COL5A1: variants seen among roughly 807,000 people sequenced by gnomAD.
The protein encoded by COL5A1 is collagen type V alpha 1 chain, also known as collagen alpha-1(V) chain.
Under a neutral mutation model 263.7 loss-of-function variants are expected in COL5A1, and 16 were observed. The ratio of observed to expected loss-of-function variants is 0.06; its 90% CI spans 0.04 to 0.09. COL5A1 has a LOEUF of 0.09. COL5A1 is among the 10% of genes least tolerant of loss of function. The probability of loss-of-function intolerance (pLI) is 1.00; values close to 1 mark genes in which losing one functional copy is unlikely to be tolerated. For missense variants in COL5A1, 2,036 were observed against 2,540.5 expected (o/e 0.80, Z 4.27); for synonymous variants, 1,012 against 1,004.5 (o/e 1.01, Z -0.14).
At chr9:134,712,040 T>TGCCCCCTTCTTCCTG (rs1564404293) in intron 4 of COL5A1, among the ~76,000 whole-genome samples, 2 of 12,466 alleles carry the variant, frequency 1.6e-4, no homozygotes, top group East Asian at 1.2e-3. Context: ...CCCTTCTTCC[T>TGCCCCCTTCTTCCTG]GCCCCCTTCT....
intron 27 of COL5A1, among the ~76,000 whole-genome samples, chr9:134,779,712 C>A (rs115456225): frequency 6.6e-6 from 1 of 152,144 alleles, no homozygotes; most frequent in South Asian, 2.1e-4. Flanking sequence ...ATCAAGTCTG[C>A]CTTAGACCTC....
Position 134,696,609 on chromosome 9 carries a change from T to C in COL5A1, c.278-3300T>C, listed in dbSNP as rs912706334. ...GCGCCTGGCACCAATCACTGTTTAT[T>C]AGGGGATCAGTCACTGTTTATTGAT... On this transcript the variant is annotated intron_variant, in intron 2 of 65. Transcript: ENST00000371817. This position sits in a 1 kb window ranked among gnomAD's most constrained non-coding sequence, Gnocchi z 4.3. Among the ~76,000 whole-genome samples the C allele has an allele frequency of 3.3e-5, 5 of 152,334 alleles. No individual in the cohort carries two copies. The East Asian group carries it at 7.7e-4, about 24-fold the overall frequency.
At chr9:134,815,664 C>G (rs1482999937) in intron 51 of COL5A1, 35 bp downstream of exon 51, 2 of 1,608,550 alleles carry the variant, frequency 1.2e-6, no homozygotes, top group Admixed American at 3.3e-5. Flanking sequence ...ACCGGATCCC[C>G]CACAGTGCTG....
chr9:134,759,872 G>GCCCC (rs1836233246), intron 18 of COL5A1, among the ~76,000 whole-genome samples: 1 of 53,226 alleles, frequency 1.9e-5, no homozygotes, highest in South Asian at 7.4e-4. Flanking sequence ...ACTCACACAT[G>GCCCC]CACACACACC....
intron 4 of COL5A1, among the ~76,000 whole-genome samples, chr9:134,712,391 G>A (rs1365912155): frequency 2.2e-5 from 2 of 91,584 alleles, no homozygotes; most frequent in Non-Finnish European, 4.1e-5. Flanking sequence ...CCTGTCTCTC[G>A]TTATCCCTGT....
In COL5A1 at chr9:134,696,078, C is replaced by A. The variant is rs546456838; in HGVS notation, c.278-3831C>A. Among the ~76,000 whole-genome samples, 1 of 152,154 alleles carries A rather than the reference C, an allele frequency of 6.6e-6. No individual in the cohort carries two copies. Among genetic ancestry groups the A allele is most frequent in the Admixed American group, 6.5e-5 (1 of 15,274 alleles). Reference sequence around the variant, plus strand: ...CCTCAGCCGCCCCCCAGGTTCCTGGCCCCCTGTCCAAAGTTAGCCACACCC... The same window carrying A: ...CCTCAGCCGCCCCCCAGGTTCCTGGACCCCTGTCCAAAGTTAGCCACACCC... On this transcript the variant is annotated intron_variant, in intron 2 of 65. Transcript: ENST00000371817. The surrounding 1 kb of genome is among the most constrained non-coding windows in gnomAD (Gnocchi z 4.3).
Position 134,789,270 on chromosome 9 carries a change from G to A in COL5A1, c.2700+62G>A. 3.6e-6 allele frequency: 5 copies of A among 1,405,418 alleles called. No homozygotes were observed. The highest frequency in any genetic ancestry group is 2.3e-5 in the South Asian group (2 of 85,682). 87.1% of individuals were successfully genotyped at this position (1,405,418 alleles called of 1,614,324 possible). A position where few individuals can be genotyped will look rare whatever the true frequency, so the allele number is the denominator to read the frequency against. On this transcript the variant is annotated intron_variant, in intron 32 of 65. Coordinates refer to ENST00000371817, the MANE Select transcript of COL5A1 (RefSeq NM_000093.5). The surrounding 1 kb of genome is among the most constrained non-coding windows in gnomAD (Gnocchi z 4.8). ...CGGCTGCCTCGGTGCCTAGCAAGTT[G>A]GTTCTCCAGCCGACGGCCTGTTTAT...
In COL5A1 at chr9:134,677,911, C is replaced by T. The variant is rs1004691003; in HGVS notation, c.110-13001C>T. Among the ~76,000 whole-genome samples, 3 of 152,226 alleles carry T rather than the reference C, an allele frequency of 2.0e-5. No individual in the cohort carries two copies. Among genetic ancestry groups the T allele is most frequent in the Non-Finnish European group, 2.9e-5 (2 of 68,042 alleles). ...ATCTTCTGCCTGGCCCTTGTTCCACCGCTGGGGGTCTCAAGATTCTCTGTC... is the reference window on the plus strand; with the variant it reads ...ATCTTCTGCCTGGCCCTTGTTCCACTGCTGGGGGTCTCAAGATTCTCTGTC... On this transcript the variant is annotated intron_variant, in intron 1 of 65. Coordinates refer to ENST00000371817, the MANE Select transcript of COL5A1 (RefSeq NM_000093.5). This position sits in a 1 kb window ranked among gnomAD's most constrained non-coding sequence, Gnocchi z 4.4.
chr9:134,663,186 C>T (rs910137253), intron 1 of COL5A1, among the ~76,000 whole-genome samples: 4 of 152,230 alleles, frequency 2.6e-5, no homozygotes, highest in African/African-American at 7.2e-5. Context: ...GAAGGAGGGC[C>T]GTGTGGGCCA....
intron 5 of COL5A1, 127 bp downstream of exon 5, chr9:134,727,524 T>A: frequency 1.9e-6 from 2 of 1,050,748 alleles, no homozygotes; most frequent in Non-Finnish European, 1.4e-6. Flanking sequence ...TGGAGGGACC[T>A]AGGAGGTAAA....
At chr9:134,718,835 T>C (rs1437459513) in intron 4 of COL5A1, among the ~76,000 whole-genome samples, 1 of 151,814 alleles carries the variant, frequency 6.6e-6, no homozygotes, top group Non-Finnish European at 1.5e-5. Flanking sequence ...ATCTGTGAAA[T>C]GGGGATGGGA....
chr9:134,768,068 G>A lies in COL5A1; in HGVS notation c.2233-342G>A, dbSNP rs537642403. Among the ~76,000 whole-genome samples the A allele has an allele frequency of 1.8e-4, 28 of 152,324 alleles. No individual in the cohort carries two copies. In the East Asian group the frequency reaches 5.4e-3, roughly 29 times the overall value. On this transcript the variant is annotated intron_variant, in intron 24 of 65. Transcript: ENST00000371817. The stretch of plus-strand genomic sequence containing the variant: ...ACAGACCAGGGAGGACAGGGTGGTG[G>A]GAGCACTTGAAGAAGGCACAGCACT...
intron 32 of COL5A1, among the ~76,000 whole-genome samples, chr9:134,791,352 C>A (rs1197229181): frequency 1.3e-5 from 2 of 152,202 alleles, no homozygotes; most frequent in Non-Finnish European, 2.9e-5. Flanking sequence ...AGATGGAGCC[C>A]TGGCCTCCTT....
chr9:134,769,719 CCA>C (rs904947347), intron 25 of COL5A1, among the ~76,000 whole-genome samples: 1 of 151,928 alleles, frequency 6.6e-6, no homozygotes, highest in African/African-American at 2.4e-5. Context: ...GTGAAGCAGG[CCA>C]CACGAGGAAG....
Position 134,843,078 on chromosome 9 carries a change from G to A in COL5A1, c.*775G>A, listed in dbSNP as rs549620894. 2.0e-4 allele frequency: 30 copies of A among 151,380 alleles called. No homozygotes were observed. Among genetic ancestry groups the A allele is most frequent in the African/African-American group, 6.1e-4 (25 of 40,878 alleles). The allele number at this position is 151,380 out of a possible 1,614,324, so 9.4% of individuals were successfully genotyped here. ...TGCAATAAATTGGAAGTTTGCCCCG[G>A]GGCAGCAAGAATTTATGCTGCCATT... On this transcript the variant is annotated 3_prime_UTR_variant, in exon 66 of 66. Transcript: ENST00000371817.
intron 36 of COL5A1, among the ~76,000 whole-genome samples, chr9:134,797,374 T>C (rs1256531807): frequency 1.3e-5 from 2 of 152,182 alleles, no homozygotes; most frequent in Non-Finnish European, 2.9e-5. Context: ...TCCCGGGGGC[T>C]GGTAGCTGCT....
chr9:134,674,255 G>A (rs1228293344), intron 1 of COL5A1, among the ~76,000 whole-genome samples: 1 of 152,164 alleles, frequency 6.6e-6, no homozygotes, highest in African/African-American at 2.4e-5. Context: ...CCTCAAGCAG[G>A]GAGCAGCCCA....
chr9:134,836,853 C>T (rs1839870253), intron 65 of COL5A1, among the ~76,000 whole-genome samples: 1 of 152,258 alleles, frequency 6.6e-6, no homozygotes, highest in Non-Finnish European at 1.5e-5. Flanking sequence ...GCTCACCTCT[C>T]CTCCCGGCTG....
chr9:134,758,765 CT>C lies in COL5A1; in HGVS notation c.1935+470del, dbSNP rs1393848668. On this transcript the variant is annotated intron_variant, in intron 18 of 65. Coordinates refer to ENST00000371817, the MANE Select transcript of COL5A1 (RefSeq NM_000093.5). This position sits in a 1 kb window ranked among gnomAD's most constrained non-coding sequence, Gnocchi z 4.1. ...TCACGAAAACATGCCAGGTGTCCCC[CT>C]GTTCCCTGTTAATGGGCGTGGATGA... Among the ~76,000 whole-genome samples the C allele has an allele frequency of 6.6e-6, 1 of 152,172 alleles. No homozygotes were observed. The highest frequency in any genetic ancestry group is 1.5e-5 in the Non-Finnish European group (1 of 68,030).
Sources: allele counts gnomAD v4.1 joint callset (sites outside exome capture counted in the v4.1 genomes callset), GRCh38; gene constraint gnomAD v4.1.1; non-coding constraint Gnocchi (gnomAD v3.1); transcripts MANE v1.5; gene names NCBI Gene and HGNC (gene_info 2026-07-23, HGNC 2026-07-21).